SMURF2: variants seen among roughly 807,000 people sequenced by gnomAD.
The protein encoded by SMURF2 is SMAD specific E3 ubiquitin protein ligase 2, also known as E3 ubiquitin-protein ligase SMURF2.
In SMURF2, 48 loss-of-function variants were observed where a neutral mutation model predicts 109.6. The observed-to-expected ratio is 0.44, with a 90% CI of 0.35 to 0.56. The LOEUF (loss-of-function observed/expected upper bound fraction) is 0.56, where lower values mean the gene tolerates loss of function less well. SMURF2 is among the 20% of genes least tolerant of loss of function. The pLI, the probability that SMURF2 is intolerant of heterozygous loss-of-function variation, is 0.01. For synonymous variants in SMURF2, 288 were observed against 317.1 expected, an observed-to-expected ratio of 0.91 and a Z score of 0.97; for missense variants, 575 against 909.0, an observed-to-expected ratio of 0.63 and a Z score of 4.72.
At chr17:64,593,287 G>T in intron 4 of SMURF2, 153 bp downstream of exon 4, 1 of 497,532 alleles carries the variant, frequency 2.0e-6, no homozygotes, top group Non-Finnish European at 2.9e-6. Flanking sequence ...AGTTGTGTTT[G>T]AAGCCCTACC....
chr17:64,562,076 C>T (rs541495320), intron 11 of SMURF2, among the ~76,000 whole-genome samples: 3 of 151,864 alleles, frequency 2.0e-5, no homozygotes, highest in East Asian at 2.0e-4. Flanking sequence ...GGGCATATCA[C>T]GAGGTCAAGA....
chr17:64,592,576 T>C (rs1158939095), intron 4 of SMURF2, among the ~76,000 whole-genome samples: 1 of 152,246 alleles, frequency 6.6e-6, no homozygotes, highest in Non-Finnish European at 1.5e-5. Flanking sequence ...TTTTTGTTTA[T>C]TAATTTCCTT....
chr17:64,622,426 G>A (rs1307088950), intron 1 of SMURF2, among the ~76,000 whole-genome samples: 4 of 152,092 alleles, frequency 2.6e-5, no homozygotes, highest in Non-Finnish European at 5.9e-5. Context: ...GTAGAACACC[G>A]TAATACATTT....
chr17:64,593,633 T>G, intron 3 of SMURF2, 60 bp from the exon 4 acceptor site: 1 of 1,419,550 alleles, frequency 7.0e-7, no homozygotes, highest in Non-Finnish European at 9.3e-7. Context: ...GCGTAAAATT[T>G]TTCTTTTGTT....
intron 2 of SMURF2, among the ~76,000 whole-genome samples, chr17:64,601,261 A>G (rs1215193802): frequency 2.0e-5 from 3 of 152,140 alleles, no homozygotes; most frequent in Non-Finnish European, 4.4e-5. Context: ...ATCTCAGTGG[A>G]AAAAAAGATT....
At chr17:64,572,712 G>A (rs1969414554) in intron 9 of SMURF2, 1 of 152,316 alleles carries the variant, frequency 6.6e-6, no homozygotes, top group Non-Finnish European at 1.5e-5. Flanking sequence ...GTACTGGACG[G>A]TGGCCTGCCC....
At chr17:64,548,773 TGGAG>T (rs1323914610) in intron 16 of SMURF2, among the ~76,000 whole-genome samples, 2 of 152,182 alleles carry the variant, frequency 1.3e-5, no homozygotes, top group African/African-American at 2.4e-5. Context: ...CACATCCTGA[TGGAG>T]GGTCACACAG....
intron 10 of SMURF2, among the ~76,000 whole-genome samples, chr17:64,568,819 C>G (rs545510557): frequency 6.6e-6 from 1 of 151,578 alleles, no homozygotes; most frequent in Non-Finnish European, 1.5e-5. Flanking sequence ...CTGGCTAACA[C>G]GGTGAAACTT....
At chr17:64,629,372 C>T (rs537137199) in intron 1 of SMURF2, among the ~76,000 whole-genome samples, 58 of 151,982 alleles carry the variant, frequency 3.8e-4, no homozygotes, top group Non-Finnish European at 5.3e-4. Context: ...GGCATGGTGG[C>T]GCTTGCCTGT....
In SMURF2 at chr17:64,581,351, C is replaced by T. The variant is rs1307732094; in HGVS notation, c.570-360G>A. Among the ~76,000 whole-genome samples, 2 of 152,174 alleles carry T rather than the reference C, an allele frequency of 1.3e-5. No individual in the cohort carries two copies. The highest frequency in any genetic ancestry group is 2.9e-5 in the Non-Finnish European group (2 of 68,016). ...CATTCTCCCTCCCACTCTGCTTCAG[C>T]CACACTCATATTCTTCCTGTTCCTT... is the stretch of plus-strand genomic sequence containing the variant. On this transcript the variant is annotated intron_variant, in intron 7 of 18. Coordinates refer to ENST00000262435, the MANE Select transcript of SMURF2 (RefSeq NM_022739.4). This position sits in a 1 kb window ranked among gnomAD's most constrained non-coding sequence, Gnocchi z 4.3.
intron 5 of SMURF2, among the ~76,000 whole-genome samples, chr17:64,588,331 A>G (rs191409384): frequency 6.6e-6 from 1 of 152,190 alleles, no homozygotes; most frequent in Admixed American, 6.5e-5. Context: ...TAAATTTGGG[A>G]GATTCTTTTC....
intron 10 of SMURF2, among the ~76,000 whole-genome samples, chr17:64,566,973 G>A (rs1366883877): frequency 1.6e-4 from 23 of 146,960 alleles, no homozygotes; most frequent in African/African-American, 5.8e-4. Flanking sequence ...CAGGTTCAAG[G>A]AATTCTCATG....
chr17:64,612,277 T>C (rs1036690590), intron 1 of SMURF2, among the ~76,000 whole-genome samples: 12 of 152,134 alleles, frequency 7.9e-5, no homozygotes, highest in African/African-American at 2.7e-4. Flanking sequence ...AATAAATATC[T>C]GTTGAATGAA....
chr17:64,591,455 A>G (rs1555687710), intron 4 of SMURF2, among the ~76,000 whole-genome samples: 1 of 152,240 alleles, frequency 6.6e-6, no homozygotes, highest in African/African-American at 2.4e-5. Flanking sequence ...GGATTAAATC[A>G]GATAATTATG....
At chr17:64,590,915 T>G (rs117658916) in intron 5 of SMURF2, among the ~76,000 whole-genome samples, 169 bp downstream of exon 5, 7,512 of 152,168 alleles carry the variant, frequency 0.049, 291 homozygotes, top group Admixed American at 0.13. Flanking sequence ...ATTAAAGTTT[T>G]TTAAATTAAG....
rs75656954 is a variant in SMURF2 at position 64,591,124 on chromosome 17, G to A, written c.360C>T (p.Leu120=). Residue 120 remains leucine (L), a synonymous_variant, in exon 5 of 19, where the codon CTC becomes CTT. Transcript: ENST00000262435. ...TGYQRLDLCK[L]GPNDNDTVRG... ...TAACTGTATCATTGTCATTTGGCCC[G>A]AGTTTGCATAAATCCAACCTCTGAT... 10,581 of 1,612,672 alleles carry A rather than the reference G, an allele frequency of 6.6e-3. 620 individuals carry two copies. In the African/African-American group the frequency reaches 0.12, roughly 19 times the overall value.
At chr17:64,546,392 CA>C in intron 17 of SMURF2, 54 bp from the exon 18 acceptor site, 2 of 1,506,802 alleles carry the variant, frequency 1.3e-6, no homozygotes, top group South Asian at 2.3e-5. Context: ...CATTAGTCTC[CA>C]AAATCTTAAG....
chr17:64,617,639 C>T (rs1366295874), intron 1 of SMURF2, among the ~76,000 whole-genome samples: 1 of 152,062 alleles, frequency 6.6e-6, no homozygotes, highest in South Asian at 2.1e-4. Flanking sequence ...GCGCACACCA[C>T]CATGCCTTGC....
At chr17:64,576,718 T>C (rs567104922) in intron 9 of SMURF2, among the ~76,000 whole-genome samples, 2 of 152,236 alleles carry the variant, frequency 1.3e-5, no homozygotes, top group South Asian at 4.1e-4. Flanking sequence ...GGAATTTTAT[T>C]AAGGAACACA....
Sources: allele counts gnomAD v4.1 joint callset (sites outside exome capture counted in the v4.1 genomes callset), GRCh38; gene constraint gnomAD v4.1.1; non-coding constraint Gnocchi (gnomAD v3.1); transcripts MANE v1.5; gene names NCBI Gene and HGNC (gene_info 2026-07-23, HGNC 2026-07-21).